The following EFNA5 variants were observed in gnomAD, a reference collection of about 807,000 sequenced individuals.
EFNA5 encodes ephrin A5.
In EFNA5, 5 loss-of-function variants were observed where a neutral mutation model predicts 22.9. That is an observed-to-expected ratio of 0.22 (90% CI 0.11 to 0.46). The LOEUF (loss-of-function observed/expected upper bound fraction) is 0.46, where lower values mean the gene tolerates loss of function less well. Ranked by LOEUF, EFNA5 falls within the 20% of genes least tolerant of loss-of-function variation. The probability of loss-of-function intolerance (pLI) is 0.99; values close to 1 mark genes in which losing one functional copy is unlikely to be tolerated. For synonymous variants in EFNA5, 113 were observed against 112.2 expected (o/e 1.01, Z -0.04); for missense variants, 237 against 293.3 (o/e 0.81, Z 1.40).
At chr5:107,533,324 T>A (rs79920271) in intron 1 of EFNA5, among the ~76,000 whole-genome samples, 3,904 of 152,206 alleles carry the variant, frequency 0.026, 144 homozygotes, top group African/African-American at 0.085. Context: ...AATTAAAACA[T>A]GTAATGAGCA....
intron 1 of EFNA5, among the ~76,000 whole-genome samples, chr5:107,442,695 A>C (rs1476906815): frequency 6.6e-6 from 1 of 152,180 alleles, no homozygotes; most frequent in East Asian, 1.9e-4. Context: ...TACTGATTAC[A>C]GTTAACCATA....
At chr5:107,547,784 T>C (rs1748200069) in intron 1 of EFNA5, among the ~76,000 whole-genome samples, 1 of 152,186 alleles carries the variant, frequency 6.6e-6, no homozygotes, top group African/African-American at 2.4e-5. Context: ...ACAGTGTAAT[T>C]GTGTTTTTTT....
intron 1 of EFNA5, among the ~76,000 whole-genome samples, chr5:107,561,589 C>T (rs1580531367): frequency 6.6e-6 from 1 of 152,074 alleles, no homozygotes; most frequent in African/African-American, 2.4e-5. Flanking sequence ...AGGCTGGTCT[C>T]GAACTCCTGA....
chr5:107,567,988 C>T (rs1026217396), intron 1 of EFNA5, among the ~76,000 whole-genome samples: 10 of 152,192 alleles, frequency 6.6e-5, no homozygotes. Context: ...CCTCGACCTC[C>T]TGGGCTCAGA....
At chr5:107,450,284 T>A (rs1389773212) in intron 1 of EFNA5, among the ~76,000 whole-genome samples, 2 of 152,060 alleles carry the variant, frequency 1.3e-5, no homozygotes, top group Non-Finnish European at 2.9e-5. Context: ...AAAGGCAAAG[T>A]TTTTTTGCTC....
intron 1 of EFNA5, among the ~76,000 whole-genome samples, chr5:107,490,657 G>A (rs1226091563): frequency 6.6e-6 from 1 of 152,176 alleles, no homozygotes; most frequent in Non-Finnish European, 1.5e-5. Context: ...TCCTTTGGCA[G>A]GGAACATTAA....
At chr5:107,542,852 A>T (rs1483100555) in intron 1 of EFNA5, among the ~76,000 whole-genome samples, 1 of 152,220 alleles carries the variant, frequency 6.6e-6, no homozygotes, top group Non-Finnish European at 1.5e-5. Flanking sequence ...AAAAGGAAGT[A>T]AACAGGCTTG....
intron 1 of EFNA5, among the ~76,000 whole-genome samples, chr5:107,542,169 C>T (rs1198977630): frequency 6.6e-6 from 1 of 152,098 alleles, no homozygotes; most frequent in East Asian, 1.9e-4. Flanking sequence ...AATAATATGT[C>T]TTCTTAAGTC....
chr5:107,456,073 A>ACT, intron 1 of EFNA5, among the ~76,000 whole-genome samples: 1 of 152,230 alleles, frequency 6.6e-6, no homozygotes, highest in East Asian at 1.9e-4. Context: ...TTAACTTAGA[A>ACT]CTCTTAATTG....
At chr5:107,533,691 G>T (rs1045731135) in intron 1 of EFNA5, among the ~76,000 whole-genome samples, 7 of 152,226 alleles carry the variant, frequency 4.6e-5, no homozygotes, top group Middle Eastern at 3.4e-3. Context: ...TCCTATAAAA[G>T]GTATGTTTTA....
At chr5:107,624,324 T>C (rs1750101369) in intron 1 of EFNA5, among the ~76,000 whole-genome samples, 1 of 152,130 alleles carries the variant, frequency 6.6e-6, no homozygotes, top group Non-Finnish European at 1.5e-5. Flanking sequence ...GTGAGGAACA[T>C]TATACAACAT....
At position 107,560,009 on chromosome 5, in the gene EFNA5, TC is replaced by T. The variant is rs1331842807; in HGVS notation, c.125+110479del. Among the ~76,000 whole-genome samples, 7 of 152,322 alleles carry T rather than the reference TC, an allele frequency of 4.6e-5. No individual in the cohort carries two copies. The East Asian group carries it at 1.3e-3, about 29-fold the overall frequency. ...GTGGGGATAATATATTCATATTGGA[TC>T]CTATCTCAAACTTGTTACTGTGAAA... On this transcript the variant is annotated intron_variant, in intron 1 of 4. Coordinates refer to ENST00000333274, the MANE Select transcript of EFNA5 (RefSeq NM_001962.3).
chr5:107,639,159 C>T (rs1750448404), intron 1 of EFNA5, among the ~76,000 whole-genome samples: 1 of 152,190 alleles, frequency 6.6e-6, no homozygotes, highest in Non-Finnish European at 1.5e-5. Context: ...CCACCACACA[C>T]AGAATAACCT....
At chr5:107,637,973 A>C (rs1750418258) in intron 1 of EFNA5, among the ~76,000 whole-genome samples, 2 of 150,960 alleles carry the variant, frequency 1.3e-5, no homozygotes, top group South Asian at 2.1e-4. Context: ...CAGCCTCCCA[A>C]GTAGCTGGGA....
rs553179593 is a variant in EFNA5 at position 107,584,039 on chromosome 5, G to A, written c.125+86450C>T. ...TCCACACAGGCTCGGCGTCCACAGG[G>A]GATTATGTATCTCTAGGGAAAGGTC... On this transcript the variant is annotated intron_variant, in intron 1 of 4. Transcript: ENST00000333274. 5.3e-5 allele frequency among the ~76,000 whole-genome samples: 8 copies of A among 152,238 alleles called. No individual in the cohort carries two copies. In the South Asian group the frequency reaches 1.7e-3, roughly 32 times the overall value.
intron 1 of EFNA5, among the ~76,000 whole-genome samples, chr5:107,623,962 T>C (rs1022900758): frequency 6.6e-5 from 10 of 152,084 alleles, no homozygotes; most frequent in Non-Finnish European, 1.5e-4. Context: ...GAATTTTTTT[T>C]CCAATACACA....
chr5:107,630,980 G>T (rs77713015), intron 1 of EFNA5, among the ~76,000 whole-genome samples: 15,143 of 152,064 alleles, frequency 0.1, 962 homozygotes, highest in Non-Finnish European at 0.13. Context: ...CTGCTGAAAA[G>T]TCTTCAGGAG....
chr5:107,498,447 T>C (rs889773060), intron 1 of EFNA5, among the ~76,000 whole-genome samples: 1 of 152,190 alleles, frequency 6.6e-6, no homozygotes, highest in Non-Finnish European at 1.5e-5. Context: ...ACAGCTTCCA[T>C]AATCCACTTA....
chr5:107,649,780 G>T (rs971254741), intron 1 of EFNA5, among the ~76,000 whole-genome samples: 1 of 151,956 alleles, frequency 6.6e-6, no homozygotes. Flanking sequence ...CATACTATGC[G>T]CCAGGCATTT....
Sources: gnomAD v4.1 joint callset for allele counts (sites outside exome capture counted in the v4.1 genomes callset) on GRCh38, gnomAD v4.1.1 for gene constraint, MANE v1.5 for transcripts, NCBI Gene and HGNC (gene_info 2026-07-23, HGNC 2026-07-21) for gene names.